The following ILRUN variants were observed in gnomAD, a reference collection of about 807,000 sequenced individuals.
ILRUN encodes the protein protein ILRUN.
Under a neutral mutation model 33.8 loss-of-function variants are expected in ILRUN, and 3 were observed. That is an observed-to-expected ratio of 0.09 (90% confidence interval 0.04 to 0.23). ILRUN has a LOEUF of 0.23. Ranked by LOEUF, ILRUN falls within the 10% of genes least tolerant of loss-of-function variation. The probability of loss-of-function intolerance (pLI) is 1.00; values close to 1 mark genes in which losing one functional copy is unlikely to be tolerated. For synonymous variants in ILRUN, 124 were observed against 138.9 expected, an observed-to-expected ratio of 0.89 and a Z score of 0.75; for missense variants, 210 against 375.1, an observed-to-expected ratio of 0.56 and a Z score of 3.64.
intron 3 of ILRUN, among the ~76,000 whole-genome samples, chr6:34,628,386 T>G (rs1582059028): frequency 6.6e-6 from 1 of 151,400 alleles, no homozygotes; most frequent in Non-Finnish European, 1.5e-5. Flanking sequence ...TGCAGTGGCA[T>G]GATCTCGGCT....
intron 3 of ILRUN, among the ~76,000 whole-genome samples, chr6:34,632,744 C>G (rs1762274664): frequency 6.6e-6 from 1 of 151,192 alleles, no homozygotes; most frequent in African/African-American, 2.4e-5. Context: ...AGGATGGTCT[C>G]GATCTCCTGA....
chr6:34,646,463 C>T lies in ILRUN; in HGVS notation c.511+138G>A. On this transcript the variant is annotated intron_variant, in intron 3 of 4. Coordinates refer to ENST00000374023, the MANE Select transcript of ILRUN (RefSeq NM_024294.4). This position sits in a 1 kb window ranked among gnomAD's most constrained non-coding sequence, Gnocchi z 4.9. ...AATCAATTAGTCATAAAATGCAAAT[C>T]ATTTACCTGCATGAGGTGACTGTTA... 1.4e-6 allele frequency: 1 copy of T among 706,528 alleles called. No homozygotes were observed. The highest frequency in any genetic ancestry group is 2.7e-5 in the East Asian group (1 of 37,212). 43.8% of individuals were successfully genotyped at this position (706,528 alleles called of 1,614,324 possible).
At chr6:34,635,898 A>G (rs1483288305) in intron 3 of ILRUN, among the ~76,000 whole-genome samples, 1 of 152,178 alleles carries the variant, frequency 6.6e-6, no homozygotes, top group East Asian at 1.9e-4. Context: ...CTGGGATTAC[A>G]GGTGTGAGTC....
chr6:34,641,310 T>A (rs1292820251), intron 3 of ILRUN, among the ~76,000 whole-genome samples: 2 of 152,212 alleles, frequency 1.3e-5, no homozygotes, highest in African/African-American at 2.4e-5. Context: ...TATGGAAGTT[T>A]ATTTTTTTCC....
chr6:34,590,418 C>T lies in ILRUN; in HGVS notation c.*147G>A. ...TGAGTTTACTCAAAACTAGTCTGTT[C>T]TGCTTCTTCCTCTTCTTCCGGGATG... On this transcript the variant is annotated 3_prime_UTR_variant, in exon 5 of 5. Coordinates refer to ENST00000374023, the MANE Select transcript of ILRUN (RefSeq NM_024294.4). The T allele has an allele frequency of 8.7e-7, 1 of 1,151,424 alleles. No homozygotes were observed. 71.3% of individuals were successfully genotyped at this position (1,151,424 alleles called of 1,614,324 possible). A position where few individuals can be genotyped will look rare whatever the true frequency, so the allele number is the denominator to read the frequency against.
In ILRUN at chr6:34,676,114, A is replaced by G. The variant is rs989674865; in HGVS notation, c.158+20332T>C. 2.0e-5 allele frequency among the ~76,000 whole-genome samples: 3 copies of G among 152,192 alleles called. No homozygotes were observed. In the East Asian group the frequency reaches 5.8e-4, roughly 29 times the overall value. Reference sequence around the variant, plus strand: ...GTGAAATTTAAAAATCAAGTTTGAGAACAGTATATATAGAGCTGGGCACAG... The same window carrying G: ...GTGAAATTTAAAAATCAAGTTTGAGGACAGTATATATAGAGCTGGGCACAG... On this transcript the variant is annotated intron_variant, in intron 1 of 4. Transcript: ENST00000374023.
intron 1 of ILRUN, among the ~76,000 whole-genome samples, chr6:34,693,878 C>G (rs1581565777): frequency 6.6e-6 from 1 of 151,870 alleles, no homozygotes; most frequent in Non-Finnish European, 1.5e-5. Flanking sequence ...GGCTAGAGTG[C>G]AATGGTGCGA....
At chr6:34,652,935 C>T (rs1465041695) in intron 2 of ILRUN, among the ~76,000 whole-genome samples, 1 of 151,696 alleles carries the variant, frequency 6.6e-6, no homozygotes, top group Non-Finnish European at 1.5e-5. Flanking sequence ...GTGGGAGGAT[C>T]GTGTGAGCCC....
chr6:34,614,432 A>G (rs796961923), intron 3 of ILRUN, among the ~76,000 whole-genome samples: 5 of 110,018 alleles, frequency 4.5e-5, no homozygotes, highest in African/African-American at 2.2e-4. Context: ...AAAAAATAAT[A>G]AAAAAAAAAA....
Position 34,646,565 on chromosome 6 carries a change from G to C in ILRUN, c.511+36C>G, listed in dbSNP as rs1267454078. The stretch of plus-strand genomic sequence containing the variant: ...GGGGATGTTATAAGATGTTACCTTA[G>C]TTCCTTTACCCTGGGCTGCACAAGG... On this transcript the variant is annotated intron_variant, in intron 3 of 4. Coordinates refer to ENST00000374023, the MANE Select transcript of ILRUN (RefSeq NM_024294.4). The surrounding 1 kb of genome is among the most constrained non-coding windows in gnomAD (Gnocchi z 4.9). The C allele has an allele frequency of 1.9e-6, 3 of 1,600,834 alleles. No homozygotes were observed. The highest frequency in any genetic ancestry group is 2.6e-6 in the Non-Finnish European group (3 of 1,169,938).
At chr6:34,639,000 T>C (rs903984686) in intron 3 of ILRUN, among the ~76,000 whole-genome samples, 4 of 152,162 alleles carry the variant, frequency 2.6e-5, no homozygotes, top group African/African-American at 9.7e-5. Context: ...TTTTGTAACA[T>C]GATGTTACTA....
intron 3 of ILRUN, among the ~76,000 whole-genome samples, chr6:34,624,392 C>T (rs1762072820): frequency 6.6e-6 from 1 of 151,986 alleles, no homozygotes; most frequent in Non-Finnish European, 1.5e-5. Context: ...AGTGTGATGT[C>T]GGCTGACTGC....
chr6:34,662,311 A>C (rs554689239), intron 1 of ILRUN, among the ~76,000 whole-genome samples: 1 of 151,342 alleles, frequency 6.6e-6, no homozygotes, highest in Admixed American at 6.6e-5. Flanking sequence ...GTCTCAAAAA[A>C]AAAAAAAAAG....
intron 1 of ILRUN, among the ~76,000 whole-genome samples, chr6:34,659,822 TG>T (rs1762851402): frequency 6.6e-6 from 1 of 151,958 alleles, no homozygotes; most frequent in South Asian, 2.1e-4. Flanking sequence ...GGTTTCTCCA[TG>T]TTGGTCAGGT....
intron 1 of ILRUN, among the ~76,000 whole-genome samples, chr6:34,659,592 T>TTG (rs1762846190): frequency 6.6e-6 from 1 of 151,912 alleles, no homozygotes; most frequent in African/African-American, 2.4e-5. Flanking sequence ...TTTATTTTTG[T>TTG]TGTATATATA....
intron 1 of ILRUN, among the ~76,000 whole-genome samples, chr6:34,674,036 C>CT (rs935888174): frequency 2.6e-4 from 39 of 151,126 alleles, no homozygotes; most frequent in African/African-American, 4.6e-4. Flanking sequence ...AGGTCCAAAT[C>CT]TTTTTTTTTG....
At chr6:34,640,987 G>C (rs768831704) in intron 3 of ILRUN, among the ~76,000 whole-genome samples, 13 of 144,954 alleles carry the variant, frequency 9.0e-5, no homozygotes, top group Admixed American at 2.8e-4. Flanking sequence ...CCTGAGGCAA[G>C]AGAATCGCTT....
chr6:34,618,150 C>A (rs1345174901), intron 3 of ILRUN, among the ~76,000 whole-genome samples: 1 of 152,016 alleles, frequency 6.6e-6, no homozygotes, highest in East Asian at 1.9e-4. Context: ...CTGGCTGGGG[C>A]TGAAAAATGA....
intron 3 of ILRUN, among the ~76,000 whole-genome samples, chr6:34,623,848 G>GA (rs1554184631): frequency 6.6e-6 from 1 of 152,048 alleles, no homozygotes; most frequent in Non-Finnish European, 1.5e-5. Flanking sequence ...TTTTCTTTTT[G>GA]TTTTTTTGAG....
Sources: allele counts gnomAD v4.1 joint callset (sites outside exome capture counted in the v4.1 genomes callset), GRCh38; gene constraint gnomAD v4.1.1; non-coding constraint Gnocchi (gnomAD v3.1); transcripts MANE v1.5; gene names NCBI Gene and HGNC (gene_info 2026-07-23, HGNC 2026-07-21).